CNTNAP2: variants seen among roughly 807,000 people sequenced by gnomAD.
The protein encoded by CNTNAP2 is contactin associated protein 2.
Under a neutral mutation model 155.2 loss-of-function variants are expected in CNTNAP2, and 98 were observed. The observed-to-expected ratio is 0.63, with a 90% CI of 0.54 to 0.75. The LOEUF (loss-of-function observed/expected upper bound fraction) is 0.75, where lower values mean the gene tolerates loss of function less well. Ranked by LOEUF, CNTNAP2 falls within the 30% of genes least tolerant of loss-of-function variation. The pLI, the probability that CNTNAP2 is intolerant of heterozygous loss-of-function variation, is 0.00. For synonymous variants in CNTNAP2, 651 were observed against 631.2 expected, an observed-to-expected ratio of 1.03 and a Z score of -0.47; for missense variants, 1,727 against 1,688.1, an observed-to-expected ratio of 1.02 and a Z score of -0.40.
At chr7:147,602,864 C>G (rs1800980321) in intron 12 of CNTNAP2, among the ~76,000 whole-genome samples, 1 of 151,532 alleles carries the variant, frequency 6.6e-6, no homozygotes, top group Non-Finnish European at 1.5e-5. Flanking sequence ...GTATATGTGC[C>G]ACATTTTCTT....
intron 18 of CNTNAP2, among the ~76,000 whole-genome samples, chr7:148,184,035 TC>T (rs1331611210): frequency 3.0e-4 from 45 of 152,280 alleles, no homozygotes; most frequent in African/African-American, 1.1e-3. Flanking sequence ...TTTCCCTTAC[TC>T]CCACCTCCAG....
chr7:148,073,439 A>G (rs1803418456), intron 15 of CNTNAP2, among the ~76,000 whole-genome samples: 1 of 152,226 alleles, frequency 6.6e-6, no homozygotes, highest in Non-Finnish European at 1.5e-5. Flanking sequence ...GTATGATGAA[A>G]TCTTACACCA....
At chr7:147,313,206 G>T (rs1029808023) in intron 9 of CNTNAP2, among the ~76,000 whole-genome samples, 1 of 152,052 alleles carries the variant, frequency 6.6e-6, no homozygotes, top group Admixed American at 6.6e-5. Flanking sequence ...CTCCCACTTT[G>T]TAGGTTCCCA....
At chr7:146,694,937 T>G (rs970700509) in intron 1 of CNTNAP2, among the ~76,000 whole-genome samples, 1 of 152,208 alleles carries the variant, frequency 6.6e-6, no homozygotes. Flanking sequence ...ACATTAACCT[T>G]GAATCCTACA....
At chr7:146,947,363 C>T (rs1232443729) in intron 3 of CNTNAP2, among the ~76,000 whole-genome samples, 1 of 146,874 alleles carries the variant, frequency 6.8e-6, no homozygotes, top group Non-Finnish European at 1.5e-5. Context: ...TGTGAACACC[C>T]CTATCAAGTT....
At chr7:147,237,310 T>G (rs1235396474) in intron 8 of CNTNAP2, among the ~76,000 whole-genome samples, 1 of 152,084 alleles carries the variant, frequency 6.6e-6, no homozygotes, top group Non-Finnish European at 1.5e-5. Flanking sequence ...TGACCTCAGG[T>G]AATTCACCTG....
At chr7:148,202,822 T>G (rs1483600526) in intron 18 of CNTNAP2, among the ~76,000 whole-genome samples, 1 of 152,210 alleles carries the variant, frequency 6.6e-6, no homozygotes, top group Non-Finnish European at 1.5e-5. Context: ...GTGCTGGGGA[T>G]ACAGTCCAAT....
chr7:148,265,984 A>G (rs1419868065), intron 20 of CNTNAP2, among the ~76,000 whole-genome samples: 1 of 152,168 alleles, frequency 6.6e-6, no homozygotes, highest in Non-Finnish European at 1.5e-5. Context: ...TCTGAAGGAC[A>G]GTTTTTTGCC....
At chr7:146,455,521 G>A (rs866477741) in intron 1 of CNTNAP2, among the ~76,000 whole-genome samples, 3 of 152,138 alleles carry the variant, frequency 2.0e-5, no homozygotes, top group Admixed American at 6.5e-5. Context: ...ATGAGGTCAG[G>A]CATCTGGTTA....
chr7:147,148,749 G>A (rs1801765635), intron 8 of CNTNAP2, among the ~76,000 whole-genome samples: 1 of 152,182 alleles, frequency 6.6e-6, no homozygotes, highest in South Asian at 2.1e-4. Flanking sequence ...CACATCTGGA[G>A]TTGTTTATTC....
intron 1 of CNTNAP2, among the ~76,000 whole-genome samples, chr7:146,353,916 A>T (rs1054990272): frequency 6.6e-6 from 1 of 152,214 alleles, no homozygotes; most frequent in Non-Finnish European, 1.5e-5. Flanking sequence ...TAATGCATTA[A>T]TTACAATAAA....
chr7:146,643,780 T>C (rs1481278462), intron 1 of CNTNAP2, among the ~76,000 whole-genome samples: 1 of 152,146 alleles, frequency 6.6e-6, no homozygotes, highest in African/African-American at 2.4e-5. Flanking sequence ...ATATTGATTC[T>C]TCCTACCCAT....
At chr7:146,752,457 A>G (rs1291898392) in intron 1 of CNTNAP2, among the ~76,000 whole-genome samples, 4 of 152,042 alleles carry the variant, frequency 2.6e-5, no homozygotes, top group East Asian at 3.8e-4. Flanking sequence ...TCCTTTGCCC[A>G]CTTGACGGGG....
At chr7:148,312,190 A>G (rs1244426819) in intron 21 of CNTNAP2, among the ~76,000 whole-genome samples, 1 of 152,190 alleles carries the variant, frequency 6.6e-6, no homozygotes, top group Non-Finnish European at 1.5e-5. Context: ...TTGGACAGAA[A>G]GGCTACAGGG....
At chr7:147,947,586 G>A (rs796756831) in intron 14 of CNTNAP2, among the ~76,000 whole-genome samples, 2 of 151,896 alleles carry the variant, frequency 1.3e-5, no homozygotes, top group South Asian at 2.1e-4. Flanking sequence ...AGCTATGATC[G>A]CTCAACTGCA....
intron 1 of CNTNAP2, among the ~76,000 whole-genome samples, chr7:146,642,556 C>T (rs1248440828): frequency 6.6e-6 from 1 of 151,480 alleles, no homozygotes; most frequent in African/African-American, 2.4e-5. Flanking sequence ...TCCAGTCTAT[C>T]ATTGTTGGAC....
intron 1 of CNTNAP2, among the ~76,000 whole-genome samples, chr7:146,283,277 T>G (rs760081364): frequency 1.3e-5 from 2 of 152,230 alleles, no homozygotes; most frequent in African/African-American, 2.4e-5. Flanking sequence ...TAAATGAGTA[T>G]GAAACAGATC....
intron 14 of CNTNAP2, among the ~76,000 whole-genome samples, chr7:147,942,052 G>A (rs554494059): frequency 5.3e-4 from 81 of 152,216 alleles, no homozygotes; most frequent in African/African-American, 1.9e-3. Context: ...ATTTTATGTG[G>A]CATCAGTTTT....
intron 8 of CNTNAP2, among the ~76,000 whole-genome samples, chr7:147,245,178 C>T (rs2116646475): frequency 6.6e-6 from 1 of 152,170 alleles, no homozygotes; most frequent in African/African-American, 2.4e-5. Context: ...TGCTGGCCCT[C>T]AGAAGAGTAT....
Sources: gnomAD v4.1 joint callset for allele counts (sites outside exome capture counted in the v4.1 genomes callset) on GRCh38, gnomAD v4.1.1 for gene constraint, MANE v1.5 for transcripts, NCBI Gene and HGNC (gene_info 2026-07-23, HGNC 2026-07-21) for gene names.